IGDCC4: variants seen among roughly 807,000 people sequenced by gnomAD.
IGDCC4 encodes the protein immunoglobulin superfamily DCC subclass member 4, also known as likely ortholog of mouse neighbor of Punc E11.
In IGDCC4, 72 loss-of-function variants were observed where a neutral mutation model predicts 116.6. The ratio of observed to expected loss-of-function variants is 0.62; its 90% CI spans 0.51 to 0.75. IGDCC4 has a LOEUF of 0.75. IGDCC4 is among the 30% of genes least tolerant of loss of function. IGDCC4 has a pLI of 0.00. For missense variants in IGDCC4, 1,501 were observed against 1,662.4 expected (o/e 0.90, Z 1.69); for synonymous variants, 709 against 719.9 (o/e 0.98, Z 0.24).
At chr15:65,417,620 G>A (rs964025495) in intron 1 of IGDCC4, among the ~76,000 whole-genome samples, 3 of 152,120 alleles carry the variant, frequency 2.0e-5, no homozygotes, top group Non-Finnish European at 4.4e-5. Context: ...GGGGGAGACG[G>A]AGTCTCACTC....
intron 18 of IGDCC4, 36 bp from the exon 19 acceptor site, chr15:65,385,151 G>T: frequency 6.5e-7 from 1 of 1,529,852 alleles, no homozygotes; most frequent in South Asian, 1.2e-5. Context: ...TAAGGGGCAC[G>T]ACCAGGATTG....
Position 65,384,809 on chromosome 15 carries a change from C to A in IGDCC4, c.3342+145G>T, listed in dbSNP as rs2091437030. ...CTGGCCTGCCCTCCACCTACTCAACCTTTGGAGGCTCCAGGGGTCTCCTGG... is the reference window on the plus strand; with the variant it reads ...CTGGCCTGCCCTCCACCTACTCAACATTTGGAGGCTCCAGGGGTCTCCTGG... On this transcript the variant is annotated intron_variant, in intron 19 of 19. Coordinates refer to ENST00000352385, the MANE Select transcript of IGDCC4 (RefSeq NM_020962.3). The surrounding 1 kb of genome is among the most constrained non-coding windows in gnomAD (Gnocchi z 4.9). 2.7e-6 allele frequency: 3 copies of A among 1,122,472 alleles called. No homozygotes were observed. The East Asian group carries it at 8.2e-5, about 31-fold the overall frequency. 69.5% of individuals were successfully genotyped at this position (1,122,472 alleles called of 1,614,324 possible).
At chr15:65,422,313 A>G (rs1458497662) in intron 1 of IGDCC4, among the ~76,000 whole-genome samples, 2 of 152,034 alleles carry the variant, frequency 1.3e-5, no homozygotes, top group Non-Finnish European at 2.9e-5. Flanking sequence ...GCTCAGCCCC[A>G]TAAACACAAT....
At chr15:65,395,036 C>A (rs954430631) in intron 8 of IGDCC4, 58 bp downstream of exon 8, 4 of 1,534,118 alleles carry the variant, frequency 2.6e-6, no homozygotes, top group Admixed American at 3.7e-5. Flanking sequence ...GGGTGAGCTC[C>A]CCTCCCCAGG....
intron 6 of IGDCC4, chr15:65,396,512 C>T (rs974564485): frequency 1.8e-6 from 1 of 562,964 alleles, no homozygotes; most frequent in African/African-American, 1.9e-5. Context: ...ACCAGATCTA[C>T]CCTGCCCCCC....
chr15:65,395,339 A>G, intron 7 of IGDCC4, 81 bp from the exon 8 acceptor site: 1 of 1,406,728 alleles, frequency 7.1e-7, no homozygotes, highest in Non-Finnish European at 9.8e-7. Flanking sequence ...GGAATCCTTC[A>G]TATTGTCCTG....
chr15:65,392,440 A>T, intron 10 of IGDCC4, 70 bp from the exon 11 acceptor site: 1 of 1,224,490 alleles, frequency 8.2e-7, no homozygotes, highest in South Asian at 1.6e-5. Context: ...GAGGCCAGGG[A>T]TAGGAGACAG....
At position 65,388,712 on chromosome 15, in the gene IGDCC4, G is replaced by A. The variant is rs59936444; in HGVS notation, c.2707+96C>T. Reference sequence around the variant, plus strand: ...CAGCAGCTTCTGCTTGCTTCTCCCAGTAGCCCCTGGAACAAACCCCAGCAC... The same window carrying A: ...CAGCAGCTTCTGCTTGCTTCTCCCAATAGCCCCTGGAACAAACCCCAGCAC... On this transcript the variant is annotated intron_variant, in intron 15 of 19. Coordinates refer to ENST00000352385, the MANE Select transcript of IGDCC4 (RefSeq NM_020962.3). 3.3e-3 allele frequency: 5,205 copies of A among 1,594,568 alleles called. 164 individuals carry two copies. The African/African-American group carries it at 0.062, about 19-fold the overall frequency.
chr15:65,408,090 T>C (rs535374507), intron 3 of IGDCC4, among the ~76,000 whole-genome samples: 29 of 152,178 alleles, frequency 1.9e-4, no homozygotes, highest in Non-Finnish European at 2.8e-4. Flanking sequence ...ATTTTAAAAA[T>C]GCATCTGCTG....
rs773903220 is a variant in IGDCC4, at chr15:65,396,089, C to A, written c.1072G>T (p.Ala358Ser). ...RASTARFVCR[A>S]SGEPRPALRW... is the part of the protein sequence containing the mutation. ...AGCGCTGGCCGCGGCTCCCCCGACG[C>A]GCGGCACACGAAGCGCGCTGTGCTC... is the stretch of plus-strand genomic sequence containing the variant. Residue 358 changes from alanine (A) to serine (S), a missense_variant, in exon 7 of 20, where the codon GCG (alanine) becomes TCG (serine). Coordinates refer to ENST00000352385, the MANE Select transcript of IGDCC4 (RefSeq NM_020962.3). The A allele has an allele frequency of 5.8e-6, 8 of 1,384,958 alleles. No homozygotes were observed. The East Asian group carries it at 2.1e-4, about 37-fold the overall frequency. The allele number at this position is 1,384,958 out of a possible 1,614,324, so 85.8% of individuals were successfully genotyped here.
rs1490027206 is a variant in IGDCC4, at chr15:65,392,293, G to A, written c.1963C>T (p.Pro655Ser). ...LVVSWQPPPHPTQISGYKLYW... is the reference protein window; with the variant it reads ...LVVSWQPPPHSTQISGYKLYW... ...AGTTTGTAGCCAGAGATCTGGGTGG[G>A]GTGAGGGGGTGGCTGCCATGACACG... Residue 655 changes from proline (P) to serine (S), a missense_variant, in exon 11 of 20, where the codon CCC becomes TCC. Transcript: ENST00000352385. 3 of 1,599,230 alleles carry A rather than the reference G, an allele frequency of 1.9e-6. No homozygotes were observed. The highest frequency in any genetic ancestry group is 2.3e-5 in the East Asian group (1 of 44,436).
intron 3 of IGDCC4, among the ~76,000 whole-genome samples, chr15:65,407,209 T>G (rs1210167587): frequency 6.6e-6 from 1 of 151,124 alleles, no homozygotes; most frequent in Non-Finnish European, 1.5e-5. Context: ...CATATCCATA[T>G]GTACAGACCT....
rs1471697792 is a variant in IGDCC4 at position 65,393,613 on chromosome 15, C to G, written c.1715-82G>C. 13 of 1,424,506 alleles carry G rather than the reference C, an allele frequency of 9.1e-6. No homozygotes were observed. Among genetic ancestry groups the G allele is most frequent in the Non-Finnish European group, 1.2e-5 (13 of 1,051,978 alleles). The allele number at this position is 1,424,506 out of a possible 1,614,324, so 88.2% of individuals were successfully genotyped here. On this transcript the variant is annotated intron_variant, in intron 9 of 19. Transcript: ENST00000352385. This position sits in a 1 kb window ranked among gnomAD's most constrained non-coding sequence, Gnocchi z 4.6. ...ACCCCCCTACATGGCTCTTCCGCCT[C>G]ACATCCCGGTTCCTCCGTGCCCGTG...
intron 10 of IGDCC4, 138 bp from the exon 11 acceptor site, chr15:65,392,508 A>T (rs2062877956): frequency 4.6e-6 from 3 of 658,752 alleles, no homozygotes; most frequent in Non-Finnish European, 7.5e-6. Flanking sequence ...TTTTGCCAGC[A>T]TTCTCCCAAC....
At chr15:65,405,010 C>A (rs1390736318) in intron 3 of IGDCC4, among the ~76,000 whole-genome samples, 1 of 151,990 alleles carries the variant, frequency 6.6e-6, no homozygotes, top group African/African-American at 2.4e-5. Context: ...AGTGATTGTG[C>A]CACCGCACTC....
At position 65,398,788 on chromosome 15, in the gene IGDCC4, A is replaced by G. The variant is rs186242142; in HGVS notation, c.842-1799T>C. On this transcript the variant is annotated intron_variant, in intron 5 of 19. Coordinates refer to ENST00000352385, the MANE Select transcript of IGDCC4 (RefSeq NM_020962.3). ...TGCCTGTAGTCCCAGCTACTTGGGA[A>G]GCTGAGGCAGGAGAATCGCTTGAAC... 2.2e-4 allele frequency among the ~76,000 whole-genome samples: 33 copies of G among 152,026 alleles called. No homozygotes were observed. In the East Asian group the frequency reaches 2.3e-3, roughly 11 times the overall value.
chr15:65,420,783 C>G (rs67573770), intron 1 of IGDCC4, among the ~76,000 whole-genome samples: 31,109 of 152,082 alleles, frequency 0.2, 3,604 homozygotes, highest in African/African-American at 0.31. Context: ...AACTCCATGT[C>G]GAGCTCTACT....
chr15:65,385,351 C>T (rs2091445159), intron 18 of IGDCC4: 1 of 568,882 alleles, frequency 1.8e-6, no homozygotes, highest in Non-Finnish European at 3.1e-6. Context: ...CTGCAAAGCC[C>T]GCGGTGTCCG....
At chr15:65,405,175 T>C (rs1359217675) in intron 3 of IGDCC4, among the ~76,000 whole-genome samples, 1 of 151,962 alleles carries the variant, frequency 6.6e-6, no homozygotes, top group Non-Finnish European at 1.5e-5. Flanking sequence ...AAATTCTACT[T>C]TTAGAAAATA....
Sources: allele counts gnomAD v4.1 joint callset (sites outside exome capture counted in the v4.1 genomes callset), GRCh38; gene constraint gnomAD v4.1.1; non-coding constraint Gnocchi (gnomAD v3.1); transcripts MANE v1.5; gene names NCBI Gene and HGNC (gene_info 2026-07-23, HGNC 2026-07-21).